Variants in INO80 observed in about 807,000 individuals in gnomAD.
INO80 encodes the protein INO80 complex ATPase subunit.
Under a neutral mutation model 203.4 loss-of-function variants are expected in INO80, and 20 were observed. The observed-to-expected ratio is 0.10, with a 90% CI of 0.07 to 0.14. The LOEUF is 0.14. Ranked by LOEUF, INO80 falls within the 10% of genes least tolerant of loss-of-function variation. The pLI, the probability that INO80 is intolerant of heterozygous loss-of-function variation, is 1.00. For missense variants in INO80, 1,419 were observed against 1,914.4 expected, an observed-to-expected ratio of 0.74 and a Z score of 4.83; for synonymous variants, 726 against 685.2, an observed-to-expected ratio of 1.06 and a Z score of -0.93.
At chr15:41,075,051 C>A (rs2045382596) in intron 9 of INO80, among the ~76,000 whole-genome samples, 1 of 152,124 alleles carries the variant, frequency 6.6e-6, no homozygotes, top group Non-Finnish European at 1.5e-5. Flanking sequence ...GAATAACTTT[C>A]ATTCATAATC....
intron 29 of INO80, among the ~76,000 whole-genome samples, chr15:40,992,055 C>T (rs1379484974): frequency 6.6e-6 from 1 of 152,158 alleles, no homozygotes; most frequent in Non-Finnish European, 1.5e-5. Flanking sequence ...GGATTACAGG[C>T]GTGAGCCACC....
chr15:41,072,483 G>A (rs866276864), intron 11 of INO80, among the ~76,000 whole-genome samples: 1 of 151,652 alleles, frequency 6.6e-6, no homozygotes, highest in Non-Finnish European at 1.5e-5. Context: ...CACTTTGGGA[G>A]GCCAAGGCGG....
At chr15:41,040,946 C>G (rs374301104) in intron 24 of INO80, among the ~76,000 whole-genome samples, 121 of 152,166 alleles carry the variant, frequency 8.0e-4, no homozygotes, top group African/African-American at 2.9e-3. Flanking sequence ...GGCAATTATC[C>G]AAATGGCCAA....
intron 9 of INO80, 127 bp downstream of exon 9, chr15:41,079,574 C>CAAAAAA: frequency 1.2e-5 from 8 of 644,166 alleles, no homozygotes; most frequent in African/African-American, 4.5e-5. Context: ...GCATCTCTAC[C>CAAAAAA]AAAAAAAAAA....
At chr15:41,045,711 G>A (rs1464254809) in intron 23 of INO80, among the ~76,000 whole-genome samples, 6 of 151,270 alleles carry the variant, frequency 4.0e-5, no homozygotes, top group Non-Finnish European at 5.9e-5. Context: ...TGGCCAAAAT[G>A]GTGAAACCTC....
In INO80 at chr15:41,092,104, T is replaced by C; in HGVS notation, c.460A>G (p.Arg154Gly). Residue 154 changes from arginine (R) to glycine (G), a missense_variant, in exon 5 of 36, where the codon AGA (arginine) becomes GGA (glycine). By Grantham distance (125) the Arg-to-Gly change is moderately radical. Coordinates refer to ENST00000648947, the MANE Select transcript of INO80 (RefSeq NM_017553.3). ...CGAAGCATGTTGTGAAGTTCTTCTC[T>C]GCTGAGATTGAGTTCTTCTTCATCA... Reference protein sequence around the residue: ...DDDEEELNLSREELHNMLRLH... With the variant: ...DDDEEELNLSGEELHNMLRLH... 3 of 1,612,818 alleles carry C rather than the reference T, an allele frequency of 1.9e-6. No homozygotes were observed. The highest frequency in any genetic ancestry group is 2.5e-6 in the Non-Finnish European group (3 of 1,178,858).
rs771356698 is a variant in INO80, at chr15:41,003,329, C to CTTTTTTTTT, written c.3497+2263_3497+2264insAAAAAAAAA. 1.8e-3 allele frequency among the ~76,000 whole-genome samples: 190 copies of CTTTTTTTTT among 107,578 alleles called. 21 individuals are homozygous for CTTTTTTTTT. The highest frequency in any genetic ancestry group is 2.5e-3 in the Non-Finnish European group (134 of 53,366). 70.6% of individuals were successfully genotyped at this position (107,578 alleles called of 152,430 possible). A position where few individuals can be genotyped will look rare whatever the true frequency, so the allele number is the denominator to read the frequency against. On this transcript the variant is annotated intron_variant, in intron 28 of 35. Coordinates refer to ENST00000648947, the MANE Select transcript of INO80 (RefSeq NM_017553.3). ...TGGGATTGTGGGTGATTTTTCTTTTCTTTTCTTTTTTTTTTTTTTGAGATG... is the reference window on the plus strand; with the variant it reads ...TGGGATTGTGGGTGATTTTTCTTTTCTTTTTTTTTTTTTCTTTTTTTTTTTTTTGAGATG...
chr15:41,039,607 T>G (rs757652215), intron 24 of INO80, among the ~76,000 whole-genome samples: 1 of 152,184 alleles, frequency 6.6e-6, no homozygotes, highest in Non-Finnish European at 1.5e-5. Flanking sequence ...GTTCTGAAGG[T>G]AGCCTAGAGC....
At chr15:40,986,814 G>A (rs979759129) in intron 31 of INO80, among the ~76,000 whole-genome samples, 4 of 151,834 alleles carry the variant, frequency 2.6e-5, no homozygotes, top group African/African-American at 9.7e-5. Context: ...TTTAGTAGAG[G>A]TGGGGTTTCA....
chr15:41,079,252 C>CA (rs1407202293), intron 9 of INO80, among the ~76,000 whole-genome samples: 3 of 151,894 alleles, frequency 2.0e-5, no homozygotes, highest in South Asian at 4.1e-4. Flanking sequence ...TCTTACTGTC[C>CA]AAAAAAAGCA....
chr15:41,027,731 A>G lies in INO80; in HGVS notation c.2913T>C (p.Leu971=), dbSNP rs769754149. The G allele has an allele frequency of 8.3e-6, 13 of 1,572,848 alleles. No homozygotes were observed. In the African/African-American group the frequency reaches 1.1e-4, roughly 13 times the overall value. The change falls in exon 25 of 36, where the codon CTT becomes CTC. Residue 971 remains leucine (L), a synonymous_variant. Transcript: ENST00000648947. Reference sequence around the variant, plus strand: ...CTGCTTTACAGTGGCTGCTGAAAACAAGAGACTGCAAAATAAAAATGCAAA... The same window carrying G: ...CTGCTTTACAGTGGCTGCTGAAAACGAGAGACTGCAAAATAAAAATGCAAA... ...NLCSCPLLKS[L]VFSSHCKAVS... is the part of the protein sequence containing the mutation.
chr15:41,039,337 C>T (rs1276337979), intron 24 of INO80, among the ~76,000 whole-genome samples: 1 of 152,172 alleles, frequency 6.6e-6, no homozygotes, highest in East Asian at 1.9e-4. Flanking sequence ...CTGAACTCTA[C>T]CATTCATTAT....
chr15:41,073,015 G>A (rs2045348094), intron 11 of INO80, among the ~76,000 whole-genome samples: 1 of 151,816 alleles, frequency 6.6e-6, no homozygotes, highest in African/African-American at 2.4e-5. Flanking sequence ...TCCTGACCTC[G>A]TGATCCACCC....
Position 41,079,797 on chromosome 15 carries a change from C to A in INO80, c.1035G>T (p.Leu345=). The change falls in exon 9 of 36, where the codon CTG becomes CTT. Residue 345 remains leucine (L), a synonymous_variant. Transcript: ENST00000648947. ...RARRLTKEML[L]YWKKYEKVEK... ...CTACTTTCTCATATTTCTTCCAGTACAGAAGCATCTCCTTGGTGAGGCGGC... is the reference window on the plus strand; with the variant it reads ...CTACTTTCTCATATTTCTTCCAGTAAAGAAGCATCTCCTTGGTGAGGCGGC... 1.2e-6 allele frequency: 2 copies of A among 1,614,150 alleles called. No homozygotes were observed. Among genetic ancestry groups the A allele is most frequent in the Non-Finnish European group, 1.7e-6 (2 of 1,180,016 alleles).
chr15:40,984,338 A>G lies in INO80; in HGVS notation c.3936T>C (p.Asp1312=). 6.2e-7 allele frequency: 1 copy of G among 1,614,030 alleles called. No individual in the cohort carries two copies. The change falls in exon 33 of 36, where the codon GAT becomes GAC. Residue 1312 remains aspartate (D), a synonymous_variant. Transcript: ENST00000648947. ...CTTTTCTCCTTTTCCCATCCAATTC[A>G]TCTTCTTTTTTCTTCTGGGAACACA... ...EKYAEKKKKE[D]ELDGKRRKEG...
At chr15:41,065,641 A>G (rs1194072266) in intron 14 of INO80, among the ~76,000 whole-genome samples, 1 of 152,212 alleles carries the variant, frequency 6.6e-6, no homozygotes, top group Non-Finnish European at 1.5e-5. Flanking sequence ...ATATTCATCA[A>G]CAGATGAATG....
At chr15:41,091,526 A>G (rs757729528) in intron 5 of INO80, among the ~76,000 whole-genome samples, 14 of 151,092 alleles carry the variant, frequency 9.3e-5, no homozygotes, top group Non-Finnish European at 1.5e-4. Flanking sequence ...CTCCTCCTGC[A>G]CCCACCTGCC....
chr15:40,992,242 T>C (rs2043825975), intron 29 of INO80, among the ~76,000 whole-genome samples: 1 of 152,240 alleles, frequency 6.6e-6, no homozygotes, highest in African/African-American at 2.4e-5. Flanking sequence ...GAAAAGCTCT[T>C]CATTCTCACT....
At chr15:41,060,354 C>T (rs1327347291) in intron 14 of INO80, among the ~76,000 whole-genome samples, 8 of 151,828 alleles carry the variant, frequency 5.3e-5, no homozygotes, top group Non-Finnish European at 7.4e-5. Flanking sequence ...TTTGGGAGGT[C>T]GAGGCAGGCG....
Sources: gnomAD v4.1 joint callset for allele counts (sites outside exome capture counted in the v4.1 genomes callset) on GRCh38, gnomAD v4.1.1 for gene constraint, MANE v1.5 for transcripts, NCBI Gene and HGNC (gene_info 2026-07-23, HGNC 2026-07-21) for gene names.